Variants in OR2L13 observed in about 807,000 individuals in gnomAD.
OR2L13 encodes olfactory receptor family 2 subfamily L member 13.
A neutral mutation model predicts 15.3 loss-of-function variants in OR2L13; 14 were observed. The observed-to-expected ratio is 0.91, with a 90% CI of 0.60 to 1.43. The LOEUF is 1.43. OR2L13 is among the 40% of genes most tolerant of loss of function. The pLI is 0.00. For synonymous variants in OR2L13, 152 were observed against 142.9 expected (o/e 1.06, Z -0.45); for missense variants, 367 against 387.9 (o/e 0.95, Z 0.45).
the OR2L13 span, chr1:248,004,185 A>C: frequency 1.3e-6 from 1 of 799,978 alleles, no homozygotes; most frequent in Non-Finnish European, 1.8e-6. Context: ...CAACAGAAGA[A>C]AAAAAAATCA....
chr1:248,056,735 C>T, the OR2L13 span, among the ~76,000 whole-genome samples: 2 of 143,384 alleles, frequency 1.4e-5, no homozygotes, highest in Non-Finnish European at 3.0e-5. Flanking sequence ...TCAACTTTTG[C>T]CTCCTGGGTT....
chr1:247,989,032 A>G, the OR2L13 span, among the ~76,000 whole-genome samples: 1 of 152,132 alleles, frequency 6.6e-6, no homozygotes, highest in Non-Finnish European at 1.5e-5. Flanking sequence ...GTGAACAGAG[A>G]CATGGAAGGT....
At chr1:247,990,317 G>A in the OR2L13 span, 286 of 1,268,398 alleles carry the variant, frequency 2.3e-4, 3 homozygotes, top group South Asian at 2.6e-3. Context: ...TGGGATTGTC[G>A]CCACCACCAA....
chr1:248,004,994 A>G, the OR2L13 span, among the ~76,000 whole-genome samples: 1 of 152,070 alleles, frequency 6.6e-6, no homozygotes, highest in African/African-American at 2.4e-5. Context: ...TAGAGAATAG[A>G]CTGATGGTCA....
chr1:247,946,057 T>C, the OR2L13 span, among the ~76,000 whole-genome samples: 1 of 152,186 alleles, frequency 6.6e-6, no homozygotes, highest in South Asian at 2.1e-4. Flanking sequence ...TTTCAGTGTG[T>C]AAAGTTTTCA....
upstream of OR2L13, among the ~76,000 whole-genome samples, chr1:248,091,421 A>G (rs1414728621): frequency 6.6e-6 from 1 of 152,098 alleles, no homozygotes; most frequent in Non-Finnish European, 1.5e-5. Context: ...TTTAGGTTTT[A>G]TGTTGAAGTC....
chr1:247,991,020 T>C, the OR2L13 span: 16 of 1,530,370 alleles, frequency 1.0e-5, no homozygotes, highest in Non-Finnish European at 1.4e-5. Context: ...CTTTCTACTA[T>C]GCACCCTTTG....
the OR2L13 span, chr1:248,021,884 T>G: frequency 7.6e-7 from 1 of 1,318,576 alleles, no homozygotes; most frequent in East Asian, 2.3e-5. Context: ...CTGCAGATAA[T>G]GGGGAACTAC....
At chr1:248,038,989 G>C in the OR2L13 span, 3 of 1,613,940 alleles carry the variant, frequency 1.9e-6, no homozygotes, top group Non-Finnish European at 2.5e-6. Flanking sequence ...TCAACCTGTA[G>C]CACCCACCTC....
the OR2L13 span, among the ~76,000 whole-genome samples, chr1:248,017,457 A>G: frequency 1.3e-5 from 2 of 152,206 alleles, no homozygotes; most frequent in African/African-American, 4.8e-5. Context: ...TAACGTCACA[A>G]AATACGTCTC....
At chr1:248,076,993 C>G in the OR2L13 span, among the ~76,000 whole-genome samples, 1 of 152,108 alleles carries the variant, frequency 6.6e-6, no homozygotes, top group Non-Finnish European at 1.5e-5. Flanking sequence ...ATAAATTGCT[C>G]TGATTATTTT....
the OR2L13 span, among the ~76,000 whole-genome samples, chr1:247,957,330 C>T: frequency 5.9e-5 from 9 of 152,134 alleles, no homozygotes; most frequent in Non-Finnish European, 8.8e-5. Context: ...TGATGTGCTG[C>T]TGGATTCGGT....
the OR2L13 span, among the ~76,000 whole-genome samples, chr1:247,940,438 TAATA>T: frequency 6.6e-6 from 1 of 152,200 alleles, no homozygotes; most frequent in Non-Finnish European, 1.5e-5. Flanking sequence ...TTTGTATATT[TAATA>T]AATATCATAA....
At chr1:248,053,275 G>A in the OR2L13 span, among the ~76,000 whole-genome samples, 2 of 152,146 alleles carry the variant, frequency 1.3e-5, no homozygotes, top group Non-Finnish European at 2.9e-5. Context: ...CCTTGCAAAG[G>A]ACATGATCTT....
At chr1:248,016,133 C>CA in the OR2L13 span, among the ~76,000 whole-genome samples, 3 of 152,184 alleles carry the variant, frequency 2.0e-5, no homozygotes, top group South Asian at 6.2e-4. Context: ...TTAATTAGCT[C>CA]ATATTCAACT....
chr1:248,040,977 T>C, the OR2L13 span: 1 of 152,212 alleles, frequency 6.6e-6, no homozygotes, highest in African/African-American at 2.4e-5. Flanking sequence ...TTTTGACTTA[T>C]AGAATGGCAA....
the OR2L13 span, chr1:248,038,876 C>T: frequency 6.2e-7 from 1 of 1,614,108 alleles, no homozygotes; most frequent in Admixed American, 1.7e-5. Context: ...TGAGCAGCAC[C>T]ATCTTTCTTG....
At chr1:247,938,679 C>T in the OR2L13 span, among the ~76,000 whole-genome samples, 2 of 152,244 alleles carry the variant, frequency 1.3e-5, no homozygotes, top group Non-Finnish European at 2.9e-5. Flanking sequence ...CACTGACACA[C>T]ACACATATAT....
chr1:247,947,398 T>C, the OR2L13 span, among the ~76,000 whole-genome samples: 2 of 152,230 alleles, frequency 1.3e-5, no homozygotes, highest in Non-Finnish European at 2.9e-5. Context: ...CTGGTGATCT[T>C]TGGCTCTAGA....
Sources: gnomAD v4.1 joint callset for allele counts (sites outside exome capture counted in the v4.1 genomes callset) on GRCh38, gnomAD v4.1.1 for gene constraint, MANE v1.5 for transcripts, NCBI Gene and HGNC (gene_info 2026-07-23, HGNC 2026-07-21) for gene names.